SIM2: variants seen among roughly 807,000 people sequenced by gnomAD.
SIM2 encodes the protein SIM bHLH transcription factor 2, also known as single-minded homolog 2.
In SIM2, 28 loss-of-function variants were observed where a neutral mutation model predicts 64.8. That is an observed-to-expected ratio of 0.43 (90% CI 0.32 to 0.59). SIM2 has a LOEUF of 0.59. Among genes scored for constraint, SIM2 ranks in the 20% least tolerant of loss-of-function variants. The pLI, the probability that SIM2 is intolerant of heterozygous loss-of-function variation, is 0.07. For missense variants in SIM2, 847 were observed against 871.4 expected (o/e 0.97, Z 0.35); for synonymous variants, 408 against 391.1 (o/e 1.04, Z -0.51).
chr21:36,743,319 T>G, intron 8 of SIM2, 68 bp from the exon 9 acceptor site: 2 of 1,431,934 alleles, frequency 1.4e-6, no homozygotes, highest in Non-Finnish European at 1.9e-6. Flanking sequence ...GCCCAAGGGC[T>G]GGGGCCAGGG....
chr21:36,709,099 G>C, intron 1 of SIM2, 69 bp from the exon 2 acceptor site: 1 of 1,404,804 alleles, frequency 7.1e-7, no homozygotes, highest in South Asian at 1.3e-5. Context: ...GGTTCCGCGT[G>C]ACCTGCCCGG....
In SIM2 at chr21:36,733,577, T is replaced by C. The variant is rs1027738372; in HGVS notation, c.850+2426T>C. 3.6e-3 allele frequency among the ~76,000 whole-genome samples: 531 copies of C among 148,234 alleles called. 3 individuals carry two copies. Among genetic ancestry groups the C allele is most frequent in the African/African-American group, 0.012 (469 of 39,422 alleles). ...AAGCAGGGATTTTTTTTTTTTTTTT[T>C]CAGACAGAGTCTTGCTCTGTCACCC... is the stretch of plus-strand genomic sequence containing the variant. On this transcript the variant is annotated intron_variant, in intron 7 of 10. Coordinates refer to ENST00000290399, the MANE Select transcript of SIM2 (RefSeq NM_005069.6).
chr21:36,726,274 G>A lies in SIM2; in HGVS notation c.699G>A (p.Met233Ile). Residue 233 changes from methionine (M) to isoleucine (I), a missense_variant, in exon 6 of 11, where the codon ATG (methionine) becomes ATA (isoleucine). Met to Ile is a conservative substitution (Grantham distance 10). Transcript: ENST00000290399. This position sits in a 1 kb window ranked among gnomAD's most constrained non-coding sequence, Gnocchi z 4.5. ...TEIKLYSNMF[M>I]FRASLDLKLI... ...TCAAGCTGTACAGTAACATGTTCAT[G>A]TTCAGGGCCAGCCTTGACCTGAAGC... 1.2e-6 allele frequency: 2 copies of A among 1,613,720 alleles called. No individual in the cohort carries two copies. The highest frequency in any genetic ancestry group is 1.7e-6 in the Non-Finnish European group (2 of 1,180,032).
chr21:36,745,757 A>G lies in SIM2; in HGVS notation c.1576+621A>G. On this transcript the variant is annotated intron_variant, in intron 10 of 10. Coordinates refer to ENST00000290399, the MANE Select transcript of SIM2 (RefSeq NM_005069.6). This position sits in a 1 kb window ranked among gnomAD's most constrained non-coding sequence, Gnocchi z 4.8. ...GACCTGCCCTGTACATGCTAGTTCA[A>G]CAGAAAGGAATGGCCTTTCACCTTC... is the stretch of plus-strand genomic sequence containing the variant. The G allele has an allele frequency of 7.7e-7, 1 of 1,301,542 alleles. No individual in the cohort carries two copies. 80.6% of individuals were successfully genotyped at this position (1,301,542 alleles called of 1,614,324 possible).
chr21:36,738,052 A>C (rs2089099405), intron 7 of SIM2, among the ~76,000 whole-genome samples: 1 of 151,422 alleles, frequency 6.6e-6, no homozygotes, highest in Admixed American at 6.6e-5. Context: ...TTTGAGGTTG[A>C]AGAGCTTAGC....
At position 36,733,797 on chromosome 21, in the gene SIM2, G is replaced by A. The variant is rs529230675; in HGVS notation, c.850+2646G>A. ...AGGATGGTCTCAATCTCCTGACCTC[G>A]TGATCCGCCCGCCTCGGCCTCCCAT... On this transcript the variant is annotated intron_variant, in intron 7 of 10. Coordinates refer to ENST00000290399, the MANE Select transcript of SIM2 (RefSeq NM_005069.6). Among the ~76,000 whole-genome samples the A allele has an allele frequency of 2.6e-4, 39 of 152,098 alleles. No individual in the cohort carries two copies. The South Asian group carries it at 7.3e-3, about 28-fold the overall frequency.
chr21:36,721,560 C>T (rs980068572), intron 4 of SIM2, among the ~76,000 whole-genome samples: 3 of 152,092 alleles, frequency 2.0e-5, no homozygotes, highest in African/African-American at 7.2e-5. Context: ...CTGCCTCAGC[C>T]CTCCCAAGTA....
At position 36,713,556 on chromosome 21, in the gene SIM2, T is replaced by C. The variant is rs555077252; in HGVS notation, c.348+934T>C. 5.3e-5 allele frequency among the ~76,000 whole-genome samples: 8 copies of C among 152,348 alleles called. No homozygotes were observed. In the East Asian group the frequency reaches 1.3e-3, roughly 26 times the overall value. ...GTGACTGAAGACACACTAGAATTAA[T>C]GATAGATACAGAGGATGGGTTCCAG... On this transcript the variant is annotated intron_variant, in intron 3 of 10. Coordinates refer to ENST00000290399, the MANE Select transcript of SIM2 (RefSeq NM_005069.6).
In SIM2 at chr21:36,703,213, A is replaced by C. The variant is rs564777439; in HGVS notation, c.175+3292A>C. ...GGAACTCAGAGGGGTCCCTGTGTGCAAGGCAGAGGGAGACCACCAGAACCA... is the reference window on the plus strand; with the variant it reads ...GGAACTCAGAGGGGTCCCTGTGTGCCAGGCAGAGGGAGACCACCAGAACCA... On this transcript the variant is annotated intron_variant, in intron 1 of 10. Transcript: ENST00000290399. Among the ~76,000 whole-genome samples, 3 of 152,304 alleles carry C rather than the reference A, an allele frequency of 2.0e-5. No homozygotes were observed. The South Asian group carries it at 6.2e-4, about 32-fold the overall frequency.
At chr21:36,736,482 G>C (rs1421635821) in intron 7 of SIM2, among the ~76,000 whole-genome samples, 1 of 152,244 alleles carries the variant, frequency 6.6e-6, no homozygotes, top group Admixed American at 6.5e-5. Context: ...AGGGGCTGAA[G>C]AAATCGCAGC....
At chr21:36,740,007 GAGAGAAAGAAAGAAAGAAAGAAAGAA>G (rs2089136046) in intron 7 of SIM2, among the ~76,000 whole-genome samples, 1 of 105,038 alleles carries the variant, frequency 9.5e-6, no homozygotes, top group African/African-American at 3.2e-5. Flanking sequence ...AAGAAAGAAA[GAGAGAAAGAAAGAAAGAAAGAAAGAA>G]AGAAAGAAAG....
chr21:36,726,373 G>A lies in SIM2; in HGVS notation c.743+55G>A. On this transcript the variant is annotated intron_variant, in intron 6 of 10. Transcript: ENST00000290399. This position sits in a 1 kb window ranked among gnomAD's most constrained non-coding sequence, Gnocchi z 4.5. ...GGCCTTCTGGAAGACACCGGTGGTG[G>A]AAATGGGTCCCTGAAAGCTGCCATC... The A allele has an allele frequency of 6.6e-7, 1 of 1,506,970 alleles. No individual in the cohort carries two copies. The highest frequency in any genetic ancestry group is 2.3e-5 in the East Asian group (1 of 42,798). 93.3% of individuals were successfully genotyped at this position (1,506,970 alleles called of 1,614,324 possible).
At chr21:36,703,448 T>C (rs1173204072) in intron 1 of SIM2, among the ~76,000 whole-genome samples, 1 of 152,140 alleles carries the variant, frequency 6.6e-6, no homozygotes, top group East Asian at 1.9e-4. Flanking sequence ...ATCCTAAGCA[T>C]TGTTCCTATG....
chr21:36,737,920 C>CCACT (rs1320336239), intron 7 of SIM2, among the ~76,000 whole-genome samples: 7 of 128,360 alleles, frequency 5.5e-5, no homozygotes, highest in African/African-American at 1.5e-4. Context: ...CGAGATTGTA[C>CCACT]CACTGCACTC....
At chr21:36,729,027 T>C (rs2088930858) in intron 6 of SIM2, among the ~76,000 whole-genome samples, 1 of 152,210 alleles carries the variant, frequency 6.6e-6, no homozygotes, top group Non-Finnish European at 1.5e-5. Flanking sequence ...CTCTGACAGG[T>C]CTTCAGACAC....
chr21:36,708,351 G>A (rs1314578545), intron 1 of SIM2, among the ~76,000 whole-genome samples: 1 of 152,262 alleles, frequency 6.6e-6, no homozygotes. Context: ...TGACGGGCAG[G>A]TCCCTCTTTC....
chr21:36,744,641 G>A, intron 9 of SIM2, 87 bp from the exon 10 acceptor site: 1 of 1,464,902 alleles, frequency 6.8e-7, no homozygotes, highest in African/African-American at 1.4e-5. Flanking sequence ...ATGGGGTTGG[G>A]CCCCGTCGGG....
intron 1 of SIM2, among the ~76,000 whole-genome samples, chr21:36,708,822 T>C (rs1479049942): frequency 6.6e-6 from 1 of 152,178 alleles, no homozygotes; most frequent in Non-Finnish European, 1.5e-5. Flanking sequence ...AGAATGGCGA[T>C]TTCAAAGCAG....
At chr21:36,710,815 G>GA (rs2088664733) in intron 2 of SIM2, among the ~76,000 whole-genome samples, 2 of 152,200 alleles carry the variant, frequency 1.3e-5, no homozygotes, top group Non-Finnish European at 2.9e-5. Flanking sequence ...GTGTGGCCGC[G>GA]GCGAGTAATG....
Sources: allele counts gnomAD v4.1 joint callset (sites outside exome capture counted in the v4.1 genomes callset), GRCh38; gene constraint gnomAD v4.1.1; non-coding constraint Gnocchi (gnomAD v3.1); transcripts MANE v1.5; gene names NCBI Gene and HGNC (gene_info 2026-07-23, HGNC 2026-07-21).